MCTP1: variants seen among roughly 807,000 people sequenced by gnomAD.
MCTP1 encodes the protein multiple C2 and transmembrane domain-containing protein 1.
In MCTP1, 69 loss-of-function variants were observed where a neutral mutation model predicts 120.6. That is an observed-to-expected ratio of 0.57 (90% CI 0.47 to 0.70). The LOEUF is 0.70. Among genes scored for constraint, MCTP1 ranks in the 30% least tolerant of loss-of-function variants. The pLI, the probability that MCTP1 is intolerant of heterozygous loss-of-function variation, is 0.00. For missense variants in MCTP1, 1,203 were observed against 1,248.8 expected, an observed-to-expected ratio of 0.96 and a Z score of 0.55; for synonymous variants, 529 against 493.1, an observed-to-expected ratio of 1.07 and a Z score of -0.96.
chr5:94,819,320 G>A (rs1785158577), intron 17 of MCTP1, among the ~76,000 whole-genome samples: 2 of 151,862 alleles, frequency 1.3e-5, no homozygotes, highest in Admixed American at 6.6e-5. Flanking sequence ...TAGTAGAGAC[G>A]GAGTTTCACC....
intron 19 of MCTP1, among the ~76,000 whole-genome samples, chr5:94,744,619 T>C (rs976441064): frequency 1.3e-5 from 2 of 152,170 alleles, no homozygotes; most frequent in Non-Finnish European, 2.9e-5. Flanking sequence ...TTCTCACGCC[T>C]CAGCCTTCTG....
At chr5:95,103,458 T>C (rs1191938085) in intron 1 of MCTP1, among the ~76,000 whole-genome samples, 2 of 152,176 alleles carry the variant, frequency 1.3e-5, no homozygotes, top group Admixed American at 6.5e-5. Context: ...GGGATAGGAC[T>C]GTGATAGATG....
At chr5:95,212,223 C>T (rs189585407) in intron 1 of MCTP1, among the ~76,000 whole-genome samples, 10 of 151,978 alleles carry the variant, frequency 6.6e-5, no homozygotes, top group African/African-American at 1.9e-4. Flanking sequence ...CTACCATCAG[C>T]GAATACTACA....
At chr5:95,175,130 C>CA (rs1747812560) in intron 1 of MCTP1, among the ~76,000 whole-genome samples, 1 of 152,164 alleles carries the variant, frequency 6.6e-6, no homozygotes, top group African/African-American at 2.4e-5. Flanking sequence ...TTATATTGCA[C>CA]TTTTAAATCA....
chr5:94,722,893 G>C (rs1761233440), intron 19 of MCTP1, among the ~76,000 whole-genome samples: 1 of 152,056 alleles, frequency 6.6e-6, no homozygotes, highest in South Asian at 2.1e-4. Context: ...GATGGTTTTG[G>C]TGCACTACTT....
rs1379547356 is a variant in MCTP1, at chr5:95,219,361, G to A, written c.720+64495C>T. On this transcript the variant is annotated intron_variant, in intron 1 of 22. Coordinates refer to ENST00000515393, the MANE Select transcript of MCTP1 (RefSeq NM_024717.7). ...CGCGTCACTGCACTCCAGCCTGGGC[G>A]ACAGAGTGAGACTCCATCTCAAAAA... Among the ~76,000 whole-genome samples the A allele has an allele frequency of 4.5e-5, 6 of 133,406 alleles. No homozygotes were observed. The East Asian group carries it at 8.6e-4, about 19-fold the overall frequency. 87.5% of individuals were successfully genotyped at this position (133,406 alleles called of 152,430 possible).
chr5:94,901,747 C>T (rs1805608424), intron 10 of MCTP1, among the ~76,000 whole-genome samples: 1 of 152,136 alleles, frequency 6.6e-6, no homozygotes, highest in African/African-American at 2.4e-5. Context: ...TTTTTCTCCC[C>T]TGCCTTTCCA....
intron 18 of MCTP1, among the ~76,000 whole-genome samples, chr5:94,795,170 CTT>C (rs1168923831): frequency 1.5e-5 from 2 of 134,162 alleles, no homozygotes; most frequent in African/African-American, 2.8e-5. Flanking sequence ...ACTTGATTCT[CTT>C]TTCTCAAGGA....
intron 18 of MCTP1, among the ~76,000 whole-genome samples, chr5:94,786,715 T>TA (rs1483443348): frequency 3.3e-5 from 5 of 152,214 alleles, no homozygotes; most frequent in Non-Finnish European, 7.3e-5. Flanking sequence ...ATAATATTTA[T>TA]AGTACCAACA....
chr5:95,151,892 C>T (rs546411072), intron 1 of MCTP1, among the ~76,000 whole-genome samples: 1 of 152,348 alleles, frequency 6.6e-6, no homozygotes, highest in Non-Finnish European at 1.5e-5. Flanking sequence ...CCCTTCCACA[C>T]ATATACTTTT....
chr5:95,154,262 A>G (rs373165326), intron 1 of MCTP1: 21 of 152,226 alleles, frequency 1.4e-4, no homozygotes, highest in African/African-American at 4.8e-4. Context: ...GCTGTTTCTT[A>G]TTCACAGAAG....
At chr5:94,811,090 A>C (rs956041417) in intron 17 of MCTP1, among the ~76,000 whole-genome samples, 9 of 152,178 alleles carry the variant, frequency 5.9e-5, no homozygotes, top group Admixed American at 4.6e-4. Context: ...GAAAAACTTC[A>C]AGAGTTATGT....
At chr5:94,987,895 G>A (rs1270086442) in intron 2 of MCTP1, among the ~76,000 whole-genome samples, 3 of 152,166 alleles carry the variant, frequency 2.0e-5, no homozygotes, top group Non-Finnish European at 4.4e-5. Context: ...CAAAGAGTTT[G>A]TGCGCTTATT....
chr5:95,280,315 A>C (rs879308236), intron 1 of MCTP1, among the ~76,000 whole-genome samples: 7 of 152,254 alleles, frequency 4.6e-5, no homozygotes, highest in Non-Finnish European at 8.8e-5. Flanking sequence ...TCTTTTCAAA[A>C]ATAGTTTATC....
intron 1 of MCTP1, among the ~76,000 whole-genome samples, chr5:95,199,176 T>TTTTAATTATTAAAA (rs1455237248): frequency 3.3e-5 from 5 of 152,350 alleles, no homozygotes. Flanking sequence ...ATTTTAATTC[T>TTTTAATTATTAAAA]TTTAATTATT....
chr5:94,999,368 G>C (rs1561993455), intron 2 of MCTP1, among the ~76,000 whole-genome samples: 1 of 152,084 alleles, frequency 6.6e-6, no homozygotes. Flanking sequence ...GCATAAAACT[G>C]TCCTTTGTTA....
chr5:95,135,092 T>A (rs1270117343), intron 1 of MCTP1, among the ~76,000 whole-genome samples: 1 of 128,180 alleles, frequency 7.8e-6, no homozygotes, highest in Non-Finnish European at 1.6e-5. Context: ...TATGTGAAAA[T>A]CAGTATTTCA....
At chr5:95,140,278 C>T (rs1759797149) in intron 1 of MCTP1, among the ~76,000 whole-genome samples, 2 of 152,140 alleles carry the variant, frequency 1.3e-5, no homozygotes, top group African/African-American at 4.8e-5. Flanking sequence ...CATTCATGTC[C>T]TCATCTGCAA....
chr5:94,905,854 C>T (rs1267127243), intron 10 of MCTP1, among the ~76,000 whole-genome samples: 1 of 151,880 alleles, frequency 6.6e-6, no homozygotes, highest in African/African-American at 2.4e-5. Context: ...ACCATGGGAG[C>T]CAGTATAGAT....
Sources: gnomAD v4.1 joint callset for allele counts (sites outside exome capture counted in the v4.1 genomes callset) on GRCh38, gnomAD v4.1.1 for gene constraint, MANE v1.5 for transcripts, NCBI Gene and HGNC (gene_info 2026-07-23, HGNC 2026-07-21) for gene names.